The following FMN1 variants were observed in gnomAD, a reference collection of about 807,000 sequenced individuals.
FMN1 encodes formin 1.
In FMN1, 110 loss-of-function variants were observed where a neutral mutation model predicts 132.4. The ratio of observed to expected loss-of-function variants is 0.83; its 90% CI spans 0.71 to 0.97. The LOEUF is 0.97. Ranked by LOEUF, FMN1 falls within the 50% of genes least tolerant of loss-of-function variation. The probability of loss-of-function intolerance (pLI) is 0.00; values close to 1 mark genes in which losing one functional copy is unlikely to be tolerated. For missense variants in FMN1, 1,792 were observed against 1,705.3 expected (o/e 1.05, Z -0.90); for synonymous variants, 722 against 651.7 (o/e 1.11, Z -1.64).
intron 4 of FMN1, among the ~76,000 whole-genome samples, chr15:33,102,702 T>C (rs981988267): frequency 3.3e-5 from 5 of 152,148 alleles, no homozygotes; most frequent in African/African-American, 1.2e-4. Context: ...GGAAATGATG[T>C]CTTTCTGCTT....
intron 7 of FMN1, among the ~76,000 whole-genome samples, chr15:32,988,778 G>A (rs2033245781): frequency 2.1e-5 from 1 of 48,514 alleles, no homozygotes; most frequent in African/African-American, 6.3e-5. Context: ...TTAATGTATT[G>A]AGAAAGTTGA....
At chr15:33,128,689 C>G (rs1019972058) in intron 4 of FMN1, among the ~76,000 whole-genome samples, 2 of 152,186 alleles carry the variant, frequency 1.3e-5, no homozygotes, top group Admixed American at 6.5e-5. Context: ...ACTGACTTCA[C>G]GAATAAACCC....
At chr15:32,973,549 A>T (rs752198929) in intron 7 of FMN1, among the ~76,000 whole-genome samples, 14 of 151,920 alleles carry the variant, frequency 9.2e-5, no homozygotes, top group Non-Finnish European at 1.6e-4. Context: ...TGGATCACTA[A>T]AATTTAATTG....
rs1307573416 is a variant in FMN1, at chr15:32,768,584, A to T, written c.*5726T>A. 1 of 152,148 alleles carries T rather than the reference A, an allele frequency of 6.6e-6. No individual in the cohort carries two copies. The highest frequency in any genetic ancestry group is 2.4e-5 in the African/African-American group (1 of 41,434). The allele number at this position is 152,148 out of a possible 1,614,324, so 9.4% of individuals were successfully genotyped here. On this transcript the variant is annotated 3_prime_UTR_variant, in exon 21 of 21. Transcript: ENST00000616417. Reference sequence around the variant, plus strand: ...TAGGAAAATGTTCAGCCTATGTGAGAGCTATAGTGTGGTAGAGGTTGTTTA... The same window carrying T: ...TAGGAAAATGTTCAGCCTATGTGAGTGCTATAGTGTGGTAGAGGTTGTTTA...
At chr15:32,961,778 A>G (rs561790746) in intron 9 of FMN1, among the ~76,000 whole-genome samples, 1 of 152,184 alleles carries the variant, frequency 6.6e-6, no homozygotes, top group African/African-American at 2.4e-5. Context: ...AGGGACCCAG[A>G]CACAGAGAGT....
intron 9 of FMN1, among the ~76,000 whole-genome samples, chr15:32,937,316 C>A (rs1382484534): frequency 1.3e-5 from 2 of 152,152 alleles, no homozygotes; most frequent in East Asian, 1.9e-4. Flanking sequence ...AAAGGAGAAG[C>A]CAGGAGGTAG....
chr15:32,825,629 G>C (rs2058345620), intron 17 of FMN1, among the ~76,000 whole-genome samples: 1 of 152,146 alleles, frequency 6.6e-6, no homozygotes, highest in Non-Finnish European at 1.5e-5. Flanking sequence ...TCTTGCGCTT[G>C]CTAATTATAA....
chr15:33,131,170 A>G (rs1438000519), intron 4 of FMN1, among the ~76,000 whole-genome samples: 2 of 152,098 alleles, frequency 1.3e-5, no homozygotes, highest in Non-Finnish European at 2.9e-5. Flanking sequence ...AAAAATACAA[A>G]TACAAAAAAT....
chr15:33,079,005 A>G (rs2038341229), intron 5 of FMN1, among the ~76,000 whole-genome samples: 1 of 152,234 alleles, frequency 6.6e-6, no homozygotes, highest in African/African-American at 2.4e-5. Flanking sequence ...CAATCATGTG[A>G]ATTTTAGAGA....
chr15:32,865,854 T>TA (rs59722936), intron 16 of FMN1, among the ~76,000 whole-genome samples: 24 of 117,946 alleles, frequency 2.0e-4, no homozygotes, highest in East Asian at 4.0e-4. Flanking sequence ...AAAAAAAAAA[T>TA]AAAATAAAAT....
chr15:32,806,826 C>T (rs950503983), intron 17 of FMN1, among the ~76,000 whole-genome samples: 1 of 152,180 alleles, frequency 6.6e-6, no homozygotes, highest in Non-Finnish European at 1.5e-5. Context: ...CCTTCTCCAG[C>T]TTCCGTAAAT....
chr15:32,883,509 CAAA>C (rs60737133), intron 16 of FMN1, among the ~76,000 whole-genome samples: 405 of 25,776 alleles, frequency 0.016, no homozygotes, highest in Non-Finnish European at 0.017. Context: ...GAACCTATCT[CAAA>C]AAAAAAAAAA....
intron 6 of FMN1, among the ~76,000 whole-genome samples, chr15:33,044,843 G>T (rs2036603934): frequency 6.6e-6 from 1 of 152,166 alleles, no homozygotes; most frequent in African/African-American, 2.4e-5. Context: ...GTTCAATAAA[G>T]CTCCTCTACA....
intron 9 of FMN1, among the ~76,000 whole-genome samples, chr15:32,945,890 C>T (rs1181404837): frequency 1.3e-5 from 2 of 152,170 alleles, no homozygotes; most frequent in African/African-American, 4.8e-5. Context: ...CTCACATTTT[C>T]CTTTTGCAGA....
At chr15:32,947,855 A>C (rs749233481) in intron 9 of FMN1, among the ~76,000 whole-genome samples, 1 of 151,984 alleles carries the variant, frequency 6.6e-6, no homozygotes, top group Non-Finnish European at 1.5e-5. Flanking sequence ...CTATTCTCTC[A>C]TTTTTTAAAT....
intron 17 of FMN1, among the ~76,000 whole-genome samples, chr15:32,810,619 C>T (rs1363346252): frequency 2.0e-5 from 3 of 152,158 alleles, no homozygotes; most frequent in Non-Finnish European, 4.4e-5. Context: ...TTTAAATGTA[C>T]CCAAATAACC....
intron 6 of FMN1, among the ~76,000 whole-genome samples, chr15:33,048,644 A>AAAAAAAAAAAAAACAAAAACAAAAAC: frequency 1.2e-4 from 10 of 86,906 alleles, no homozygotes; most frequent in Non-Finnish European, 1.7e-4. Flanking sequence ...AAAAAAAAAA[A>AAAAAAAAAAAAAACAAAAACAAAAAC]AAAAACCAAC....
At chr15:33,010,084 A>G (rs1285419070) in intron 6 of FMN1, among the ~76,000 whole-genome samples, 1 of 152,134 alleles carries the variant, frequency 6.6e-6, no homozygotes, top group Non-Finnish European at 1.5e-5. Context: ...GGGTTTTACT[A>G]TGTTGGCCAG....
chr15:33,069,283 G>T (rs531249036), intron 5 of FMN1, among the ~76,000 whole-genome samples: 47 of 152,254 alleles, frequency 3.1e-4, no homozygotes, highest in African/African-American at 1.1e-3. Flanking sequence ...CTGCCTCTTG[G>T]GACAGCTCCC....
Sources: allele counts gnomAD v4.1 joint callset (sites outside exome capture counted in the v4.1 genomes callset), GRCh38; gene constraint gnomAD v4.1.1; transcripts MANE v1.5; gene names NCBI Gene and HGNC (gene_info 2026-07-23, HGNC 2026-07-21).